DPYD: variants seen among roughly 807,000 people sequenced by gnomAD.
DPYD encodes dihydropyrimidine dehydrogenase [NADP(+)].
Under a neutral mutation model 116.2 loss-of-function variants are expected in DPYD, and 109 were observed. The observed-to-expected ratio is 0.94, with a 90% CI of 0.80 to 1.10. The LOEUF (loss-of-function observed/expected upper bound fraction) is 1.10, where lower values mean the gene tolerates loss of function less well. DPYD is among the 50% of genes least tolerant of loss of function. The probability of loss-of-function intolerance (pLI) is 0.00; values close to 1 mark genes in which losing one functional copy is unlikely to be tolerated. For missense variants in DPYD, 1,302 were observed against 1,254.5 expected, an observed-to-expected ratio of 1.04 and a Z score of -0.57; for synonymous variants, 440 against 432.0, an observed-to-expected ratio of 1.02 and a Z score of -0.23.
intron 19 of DPYD, among the ~76,000 whole-genome samples, chr1:97,198,065 A>T (rs1658937793): frequency 6.6e-6 from 1 of 152,166 alleles, no homozygotes; most frequent in Non-Finnish European, 1.5e-5. Context: ...TTGCACATTG[A>T]TATTTTCTTT....
chr1:97,313,431 C>T (rs1193891780), intron 16 of DPYD, among the ~76,000 whole-genome samples: 2 of 151,554 alleles, frequency 1.3e-5, no homozygotes, highest in Admixed American at 6.6e-5. Context: ...CAAATGCATA[C>T]AACAAACACA....
At chr1:97,529,188 T>C (rs1393869463) in intron 12 of DPYD, among the ~76,000 whole-genome samples, 4 of 152,198 alleles carry the variant, frequency 2.6e-5, no homozygotes, top group African/African-American at 9.6e-5. Context: ...TGAGGTAGTA[T>C]CACCAATGAG....
intron 13 of DPYD, among the ~76,000 whole-genome samples, chr1:97,511,664 C>A (rs935672349): frequency 1.3e-5 from 2 of 151,828 alleles, no homozygotes; most frequent in African/African-American, 4.8e-5. Flanking sequence ...ATTTCTAAAA[C>A]AGATCTTTCT....
At chr1:97,508,648 C>T (rs1647540747) in intron 13 of DPYD, among the ~76,000 whole-genome samples, 1 of 151,882 alleles carries the variant, frequency 6.6e-6, no homozygotes, top group Non-Finnish European at 1.5e-5. Context: ...AGTCAAACTG[C>T]CTTCATTTTA....
chr1:97,593,569 T>C (rs1260408808), intron 9 of DPYD, among the ~76,000 whole-genome samples, 182 bp from the exon 10 acceptor site: 1 of 152,244 alleles, frequency 6.6e-6, no homozygotes, highest in Non-Finnish European at 1.5e-5. Flanking sequence ...AAAAATATGC[T>C]CATATATGTA....
At chr1:97,912,922 T>C (rs970649423) in intron 1 of DPYD, among the ~76,000 whole-genome samples, 1 of 152,116 alleles carries the variant, frequency 6.6e-6, no homozygotes, top group Non-Finnish European at 1.5e-5. Flanking sequence ...GTCAGATTAG[T>C]ATAGCTTGAA....
chr1:97,650,761 C>T (rs572346830), intron 8 of DPYD, among the ~76,000 whole-genome samples: 70 of 152,000 alleles, frequency 4.6e-4, no homozygotes, highest in African/African-American at 1.6e-3. Context: ...CTTTATCATT[C>T]CTATTATGAA....
chr1:97,555,276 A>C (rs1651611443), intron 11 of DPYD, among the ~76,000 whole-genome samples: 1 of 152,042 alleles, frequency 6.6e-6, no homozygotes, highest in East Asian at 1.9e-4. Context: ...GCTCTCAAAT[A>C]TTCAGTCCAC....
At chr1:97,307,663 A>T (rs1399686878) in intron 16 of DPYD, among the ~76,000 whole-genome samples, 1 of 151,920 alleles carries the variant, frequency 6.6e-6, no homozygotes, top group Non-Finnish European at 1.5e-5. Context: ...CATAAATATT[A>T]AAAAAGTGCT....
chr1:97,525,658 C>G (rs1246740234), intron 12 of DPYD, among the ~76,000 whole-genome samples: 1 of 151,820 alleles, frequency 6.6e-6, no homozygotes, highest in African/African-American at 2.4e-5. Context: ...TTCTATGATT[C>G]TAACATAGAG....
Position 97,524,576 on chromosome 1 carries a change from A to G in DPYD, c.1525-8635T>C, listed in dbSNP as rs181624844. Among the ~76,000 whole-genome samples the G allele has an allele frequency of 1.1e-3, 164 of 152,304 alleles. 1 individual carries two copies. The Middle Eastern group carries it at 0.02, about 19-fold the overall frequency. The stretch of plus-strand genomic sequence containing the variant: ...ATTCCCACAAAGTTCTGAGGCCAAG[A>G]TAACTTACCGATATATAACCCAAGA... On this transcript the variant is annotated intron_variant, in intron 12 of 22. Transcript: ENST00000370192.
chr1:97,131,150 G>GAA (rs907385200), intron 20 of DPYD, among the ~76,000 whole-genome samples: 1 of 145,100 alleles, frequency 6.9e-6, no homozygotes, highest in Non-Finnish European at 1.5e-5. Flanking sequence ...ATATCAAAAA[G>GAA]AAAAAAAAAA....
At chr1:97,328,887 A>G (rs141748465) in intron 16 of DPYD, among the ~76,000 whole-genome samples, 216 of 152,336 alleles carry the variant, frequency 1.4e-3, no homozygotes, top group African/African-American at 5.1e-3. Context: ...TTATTACAGA[A>G]AAGTTGTGAA....
chr1:97,883,834 C>CCA, intron 1 of DPYD: 1 of 377,736 alleles, frequency 2.6e-6, no homozygotes, highest in South Asian at 2.2e-5. Context: ...TTAGGAATCA[C>CCA]AAAAAAAAAA....
At chr1:97,238,490 AATTT>A (rs1662105741) in intron 18 of DPYD, among the ~76,000 whole-genome samples, 1 of 152,158 alleles carries the variant, frequency 6.6e-6, no homozygotes, top group South Asian at 2.1e-4. Context: ...TGCTATGTAG[AATTT>A]ATTTTTAGTT....
rs17116465 is a variant in DPYD, at chr1:97,138,058, C to T, written c.2623-39426G>A. On this transcript the variant is annotated intron_variant, in intron 20 of 22. Coordinates refer to ENST00000370192, the MANE Select transcript of DPYD (RefSeq NM_000110.4). Reference sequence around the variant, plus strand: ...CAGTACGGCTTTCACAGGCTTTTTTCAGTGTCCACCAACCACTTTCCATTC... The same window carrying T: ...CAGTACGGCTTTCACAGGCTTTTTTTAGTGTCCACCAACCACTTTCCATTC... Among the ~76,000 whole-genome samples the T allele has an allele frequency of 8.6e-3, 1,307 of 152,226 alleles. 23 individuals carry two copies. The highest frequency in any genetic ancestry group is 0.03 in the African/African-American group (1,228 of 41,542).
At chr1:97,305,520 A>G (rs969252097) in intron 17 of DPYD, 142 bp from the exon 18 acceptor site, 17 of 1,114,724 alleles carry the variant, frequency 1.5e-5, no homozygotes, top group African/African-American at 3.1e-5. Flanking sequence ...CACTAATTTA[A>G]CTCCTACATT....
At chr1:97,264,812 G>A (rs1194942486) in intron 18 of DPYD, among the ~76,000 whole-genome samples, 3 of 151,932 alleles carry the variant, frequency 2.0e-5, no homozygotes, top group Non-Finnish European at 4.4e-5. Context: ...CAACCTTTTT[G>A]CTGTCTTTAT....
At chr1:97,673,242 G>T (rs893957087) in intron 8 of DPYD, among the ~76,000 whole-genome samples, 2 of 151,884 alleles carry the variant, frequency 1.3e-5, no homozygotes, top group Non-Finnish European at 2.9e-5. Context: ...ACCATTTTAA[G>T]AGTTAAAAGG....
Sources: gnomAD v4.1 joint callset for allele counts (sites outside exome capture counted in the v4.1 genomes callset) on GRCh38, gnomAD v4.1.1 for gene constraint, MANE v1.5 for transcripts, NCBI Gene and HGNC (gene_info 2026-07-23, HGNC 2026-07-21) for gene names.